TUSC3: variants seen among roughly 807,000 people sequenced by gnomAD.
The protein encoded by TUSC3 is tumor suppressor candidate 3.
In TUSC3, 45 loss-of-function variants were observed where a neutral mutation model predicts 44.8. That is an observed-to-expected ratio of 1.00 (90% confidence interval 0.79 to 1.29). The LOEUF is 1.29. TUSC3 is among the 50% of genes most tolerant of loss of function. TUSC3 has a pLI of 0.00. For synonymous variants in TUSC3, 212 were observed against 152.9 expected (o/e 1.39, Z -2.85); for missense variants, 519 against 437.9 (o/e 1.19, Z -1.65).
intron 6 of TUSC3, among the ~76,000 whole-genome samples, chr8:15,690,871 G>C (rs1010155262): frequency 6.6e-6 from 1 of 151,718 alleles, no homozygotes; most frequent in Non-Finnish European, 1.5e-5. Context: ...GTCTATATTT[G>C]TACCGGTACA....
the TUSC3 span, among the ~76,000 whole-genome samples, chr8:15,797,810 G>A: frequency 3.9e-5 from 6 of 152,174 alleles, no homozygotes; most frequent in Non-Finnish European, 8.8e-5. Context: ...TCTGTGTAAT[G>A]AATTCAATCA....
At chr8:15,703,273 A>G (rs1038167324) in intron 6 of TUSC3, among the ~76,000 whole-genome samples, 1 of 152,148 alleles carries the variant, frequency 6.6e-6, no homozygotes, top group African/African-American at 2.4e-5. Flanking sequence ...ATTATAGATT[A>G]TAATATTATG....
chr8:15,497,517 T>C (rs566042200), intron 2 of TUSC3, among the ~76,000 whole-genome samples: 1 of 152,138 alleles, frequency 6.6e-6, no homozygotes, highest in African/African-American at 2.4e-5. Context: ...CATGAAGAAT[T>C]GTCTCCTTTG....
chr8:15,598,593 C>G (rs201790691), intron 1 of TUSC3, among the ~76,000 whole-genome samples: 1 of 29,336 alleles, frequency 3.4e-5, no homozygotes, highest in African/African-American at 1.2e-4. Context: ...ACTCGTCATA[C>G]TTCCTCCTTC....
chr8:15,500,919 A>T (rs978875066), intron 2 of TUSC3, among the ~76,000 whole-genome samples: 1 of 152,212 alleles, frequency 6.6e-6, no homozygotes, highest in African/African-American at 2.4e-5. Flanking sequence ...CAAACATAAT[A>T]ACTTTAAATT....
chr8:15,637,081 G>T (rs905337666), intron 2 of TUSC3, among the ~76,000 whole-genome samples: 2 of 152,228 alleles, frequency 1.3e-5, no homozygotes, highest in Non-Finnish European at 2.9e-5. Context: ...GGCACACAAA[G>T]AACTCTTCAA....
At chr8:15,445,954 C>G (rs946074851) in intron 1 of TUSC3, among the ~76,000 whole-genome samples, 1 of 150,560 alleles carries the variant, frequency 6.6e-6, no homozygotes, top group East Asian at 2.0e-4. Flanking sequence ...ACGGGGGCTG[C>G]CCCCCACCTC....
intron 2 of TUSC3, among the ~76,000 whole-genome samples, chr8:15,490,361 T>C (rs1800790961): frequency 6.6e-6 from 1 of 152,172 alleles, no homozygotes; most frequent in African/African-American, 2.4e-5. Context: ...CTATCAGAGT[T>C]GCTCAAGACG....
At chr8:15,801,652 A>G in the TUSC3 span, among the ~76,000 whole-genome samples, 1 of 152,162 alleles carries the variant, frequency 6.6e-6, no homozygotes. Context: ...CCAGAGAAGC[A>G]TAAGGATGAA....
At chr8:15,797,360 T>A in the TUSC3 span, among the ~76,000 whole-genome samples, 3 of 152,236 alleles carry the variant, frequency 2.0e-5, no homozygotes, top group South Asian at 6.2e-4. Context: ...TTTTTCTTTT[T>A]TTTGGCTTTG....
the TUSC3 span, among the ~76,000 whole-genome samples, chr8:15,793,248 A>C: frequency 6.6e-6 from 1 of 152,114 alleles, no homozygotes; most frequent in Non-Finnish European, 1.5e-5. Flanking sequence ...CTAACTATGG[A>C]AACTCTGCTG....
chr8:15,670,742 G>T (rs913621238), intron 5 of TUSC3, among the ~76,000 whole-genome samples: 7 of 151,702 alleles, frequency 4.6e-5, no homozygotes, highest in Non-Finnish European at 1.0e-4. Flanking sequence ...TTAATAAAAT[G>T]AAAAGAAAGA....
chr8:15,576,279 G>GTTTTTTTTTTTTT (rs1175068882), intron 1 of TUSC3, among the ~76,000 whole-genome samples: 6 of 104,792 alleles, frequency 5.7e-5, no homozygotes, highest in East Asian at 2.7e-4. Flanking sequence ...TGGTCCTCTT[G>GTTTTTTTTTTTTT]TTTTTTTTTT....
chr8:15,711,054 C>T lies in TUSC3; in HGVS notation c.799-19612C>T, dbSNP rs1283159204. ...TAAGAACTTCTCATCTAAATTCAGGCTTGTCTCTGATAATGTAGACATTAA... is the reference window on the plus strand; with the variant it reads ...TAAGAACTTCTCATCTAAATTCAGGTTTGTCTCTGATAATGTAGACATTAA... On this transcript the variant is annotated intron_variant, in intron 6 of 10. Transcript: ENST00000503731. Among the ~76,000 whole-genome samples, 5 of 151,584 alleles carry T rather than the reference C, an allele frequency of 3.3e-5. No individual in the cohort carries two copies. The East Asian group carries it at 7.8e-4, about 24-fold the overall frequency.
Position 15,446,617 on chromosome 8 carries a change from C to T in TUSC3, n.91+29312C>T, listed in dbSNP as rs943736266. Among the ~76,000 whole-genome samples, 3 of 151,530 alleles carry T rather than the reference C, an allele frequency of 2.0e-5. No homozygotes were observed. In the South Asian group the frequency reaches 6.3e-4, roughly 32 times the overall value. On this transcript the variant is annotated intron_variant and non_coding_transcript_variant, in intron 1 of 5. Transcript: ENST00000503191. ...CGGCGGGCGCCTGCAATCCCAGGCG[C>T]TCGGCAGGCTGAGGCAGGAGAATCA...
chr8:15,613,800 A>C (rs1804867029), intron 1 of TUSC3, among the ~76,000 whole-genome samples: 3 of 152,116 alleles, frequency 2.0e-5, no homozygotes, highest in Non-Finnish European at 4.4e-5. Flanking sequence ...CATTCCCTTT[A>C]AGCATGGACT....
intron 1 of TUSC3, among the ~76,000 whole-genome samples, chr8:15,612,786 C>G (rs1804818427): frequency 1.3e-5 from 2 of 151,826 alleles, no homozygotes; most frequent in South Asian, 4.1e-4. Context: ...TTACAGATTT[C>G]TTTTTCCTTT....
At chr8:15,589,342 C>T (rs1418765225) in intron 1 of TUSC3, among the ~76,000 whole-genome samples, 5 of 152,042 alleles carry the variant, frequency 3.3e-5, no homozygotes, top group Non-Finnish European at 7.4e-5. Flanking sequence ...TAACAAGATC[C>T]TGAAATGATC....
chr8:15,606,545 C>A (rs948153035), intron 1 of TUSC3, among the ~76,000 whole-genome samples: 2 of 152,016 alleles, frequency 1.3e-5, no homozygotes, highest in African/African-American at 4.8e-5. Context: ...TGAATAGGCA[C>A]ACACAAATTG....
Sources: allele counts gnomAD v4.1 joint callset (sites outside exome capture counted in the v4.1 genomes callset), GRCh38; gene constraint gnomAD v4.1.1; transcripts MANE v1.5; gene names NCBI Gene and HGNC (gene_info 2026-07-23, HGNC 2026-07-21).